Variants in EDIL3 observed in about 807,000 individuals in gnomAD.
The protein encoded by EDIL3 is EGF-like repeat and discoidin I-like domain-containing protein 3.
In EDIL3, 37 loss-of-function variants were observed where a neutral mutation model predicts 67.4. That is an observed-to-expected ratio of 0.55 (90% CI 0.42 to 0.72). The LOEUF is 0.72. Among genes scored for constraint, EDIL3 ranks in the 30% least tolerant of loss-of-function variants. The pLI, the probability that EDIL3 is intolerant of heterozygous loss-of-function variation, is 0.00. For missense variants in EDIL3, 527 were observed against 586.3 expected (o/e 0.90, Z 1.04); for synonymous variants, 195 against 196.3 (o/e 0.99, Z 0.05).
intron 9 of EDIL3, among the ~76,000 whole-genome samples, chr5:84,035,054 T>G (rs1325291845): frequency 6.6e-6 from 1 of 152,120 alleles, no homozygotes; most frequent in Non-Finnish European, 1.5e-5. Context: ...AAAATTGAGA[T>G]TAAAAACTTA....
At chr5:84,161,369 CT>C (rs1748611014) in intron 4 of EDIL3, among the ~76,000 whole-genome samples, 1 of 151,932 alleles carries the variant, frequency 6.6e-6, no homozygotes, top group African/African-American at 2.4e-5. Context: ...TAACTCGGGT[CT>C]AGTTATCTGG....
intron 1 of EDIL3, among the ~76,000 whole-genome samples, chr5:84,324,184 T>G (rs949904933): frequency 6.6e-6 from 1 of 151,806 alleles, no homozygotes; most frequent in Non-Finnish European, 1.5e-5. Context: ...CAAGCCTCAA[T>G]AGATTAACAA....
intron 2 of EDIL3, among the ~76,000 whole-genome samples, chr5:84,244,571 G>A (rs1217221253): frequency 6.6e-6 from 1 of 151,986 alleles, no homozygotes; most frequent in Non-Finnish European, 1.5e-5. Context: ...TTACAGGCAT[G>A]AGCCACTGCT....
chr5:84,018,025 A>G (rs1418631431), intron 9 of EDIL3, among the ~76,000 whole-genome samples: 3 of 152,276 alleles, frequency 2.0e-5, no homozygotes, highest in South Asian at 2.1e-4. Flanking sequence ...TTCTTTCGCC[A>G]TCGTATGAAA....
At chr5:84,039,038 A>G (rs1746073123) in intron 9 of EDIL3, among the ~76,000 whole-genome samples, 1 of 152,118 alleles carries the variant, frequency 6.6e-6, no homozygotes, top group Admixed American at 6.5e-5. Flanking sequence ...CAGGGGTAAA[A>G]TGCTATTCCC....
chr5:84,036,490 T>A (rs1011536107), intron 9 of EDIL3, among the ~76,000 whole-genome samples: 2 of 152,180 alleles, frequency 1.3e-5, no homozygotes, highest in African/African-American at 4.8e-5. Flanking sequence ...AATAAGTTAG[T>A]GACAAAGTTG....
Position 84,165,754 on chromosome 5 carries a change from C to T in EDIL3, c.355+14639G>A, listed in dbSNP as rs142499881. Among the ~76,000 whole-genome samples, 22 of 152,238 alleles carry T rather than the reference C, an allele frequency of 1.4e-4. No homozygotes were observed. In the South Asian group the frequency reaches 3.9e-3, roughly 27 times the overall value. ...ATCTTTTAGACAAAGGATGGCACCA[C>T]GTGCAAGGTAACATTAACATAATCA... On this transcript the variant is annotated intron_variant, in intron 4 of 10. Transcript: ENST00000296591.
chr5:84,129,241 A>C (rs1280151809), intron 5 of EDIL3, among the ~76,000 whole-genome samples: 1 of 152,140 alleles, frequency 6.6e-6, no homozygotes, highest in Non-Finnish European at 1.5e-5. Flanking sequence ...CAAAAACTTC[A>C]TCCTGCAGTA....
At chr5:84,230,060 G>C (rs1378503119) in intron 2 of EDIL3, among the ~76,000 whole-genome samples, 176 bp from the exon 3 acceptor site, 2 of 151,986 alleles carry the variant, frequency 1.3e-5, no homozygotes, top group Non-Finnish European at 2.9e-5. Context: ...TTAGAAAATT[G>C]TCATGATTTA....
intron 1 of EDIL3, among the ~76,000 whole-genome samples, chr5:84,278,035 C>G (rs892772897): frequency 6.6e-6 from 1 of 152,058 alleles, no homozygotes; most frequent in Non-Finnish European, 1.5e-5. Context: ...ATGTAAATAT[C>G]TTTTTTTAAG....
At chr5:84,212,540 T>A (rs1256824480) in intron 3 of EDIL3, among the ~76,000 whole-genome samples, 1 of 152,180 alleles carries the variant, frequency 6.6e-6, no homozygotes. Context: ...CTCAGTTACC[T>A]ACCACAGAAA....
chr5:84,320,992 G>T (rs1324594125), intron 1 of EDIL3, among the ~76,000 whole-genome samples: 1 of 152,072 alleles, frequency 6.6e-6, no homozygotes, highest in African/African-American at 2.4e-5. Flanking sequence ...GCTATTAGAT[G>T]ATTTTCTGCA....
chr5:83,953,804 T>C (rs1394161225), intron 10 of EDIL3, among the ~76,000 whole-genome samples: 1 of 151,772 alleles, frequency 6.6e-6, no homozygotes, highest in Non-Finnish European at 1.5e-5. Flanking sequence ...TGATGAGAAA[T>C]GTGTTGCCTC....
intron 2 of EDIL3, among the ~76,000 whole-genome samples, chr5:84,252,150 T>C (rs1745035141): frequency 6.6e-6 from 1 of 152,092 alleles, no homozygotes; most frequent in South Asian, 2.1e-4. Context: ...TGTTGAATGT[T>C]GGATTAATAT....
chr5:84,360,702 A>C (rs1747578832), intron 1 of EDIL3, among the ~76,000 whole-genome samples: 1 of 152,180 alleles, frequency 6.6e-6, no homozygotes, highest in South Asian at 2.1e-4. Flanking sequence ...AAGAAATCTT[A>C]TCACATATTG....
At chr5:84,359,014 T>G (rs1747544633) in intron 1 of EDIL3, among the ~76,000 whole-genome samples, 1 of 152,176 alleles carries the variant, frequency 6.6e-6, no homozygotes, top group African/African-American at 2.4e-5. Context: ...GGGCAAGTAC[T>G]TTTAAGGATA....
At chr5:84,117,169 A>T (rs187510253) in intron 5 of EDIL3, among the ~76,000 whole-genome samples, 2 of 151,464 alleles carry the variant, frequency 1.3e-5, no homozygotes, top group Non-Finnish European at 2.9e-5. Context: ...CTGGGACTAC[A>T]GGCGCCCACC....
chr5:84,066,377 G>T (rs756320014), intron 7 of EDIL3, 74 bp downstream of exon 7: 2 of 1,459,198 alleles, frequency 1.4e-6, no homozygotes, highest in Admixed American at 2.7e-5. Context: ...TTCTCCTGAA[G>T]ACCTTGTCAT....
In EDIL3 at chr5:84,349,525, A is replaced by G. The variant is rs926017593; in HGVS notation, c.67+34783T>C. 4.6e-5 allele frequency among the ~76,000 whole-genome samples: 7 copies of G among 152,338 alleles called. No individual in the cohort carries two copies. In the East Asian group the frequency reaches 1.2e-3, roughly 25 times the overall value. On this transcript the variant is annotated intron_variant, in intron 1 of 10. Transcript: ENST00000296591. ...TTAAAATACATTTTTGGTGACAAACATAATTGTGGGCCATTTTGAAAAATG... is the reference window on the plus strand; with the variant it reads ...TTAAAATACATTTTTGGTGACAAACGTAATTGTGGGCCATTTTGAAAAATG...
Sources: allele counts gnomAD v4.1 joint callset (sites outside exome capture counted in the v4.1 genomes callset), GRCh38; gene constraint gnomAD v4.1.1; transcripts MANE v1.5; gene names NCBI Gene and HGNC (gene_info 2026-07-23, HGNC 2026-07-21).